TBC1D20: variants seen among roughly 807,000 people sequenced by gnomAD.
The protein encoded by TBC1D20 is TBC1 domain family member 20, also known as chromosome 20 open reading frame 140.
TBC1D20 carries 12 observed loss-of-function variants against 41.6 expected under a neutral mutation model. That is an observed-to-expected ratio of 0.29 (90% confidence interval 0.18 to 0.47). TBC1D20 has a LOEUF of 0.47. TBC1D20 is among the 20% of genes least tolerant of loss of function. The pLI is 1.00. For missense variants in TBC1D20, 421 were observed against 517.4 expected (o/e 0.81, Z 1.81); for synonymous variants, 205 against 204.8 (o/e 1.00, Z -0.01).
chr20:450,007 C>T (rs981702405), intron 1 of TBC1D20, among the ~76,000 whole-genome samples: 12 of 152,146 alleles, frequency 7.9e-5, no homozygotes, highest in Non-Finnish European at 1.2e-4. Flanking sequence ...GCATATACAT[C>T]TCTTACTGTA....
In TBC1D20 at chr20:462,433, G is replaced by T; in HGVS notation, c.-28C>A. On this transcript the variant is annotated 5_prime_UTR_variant, in exon 1 of 8. Coordinates refer to ENST00000354200, the MANE Select transcript of TBC1D20 (RefSeq NM_144628.4). The stretch of plus-strand genomic sequence containing the variant: ...CCCGGGGCCCCGGGCCCCCACCCGA[G>T]CCCCGGCTGGTGGCGGAGCCGGGAG... 8.4e-7 allele frequency: 1 copy of T among 1,190,682 alleles called. No homozygotes were observed. Among genetic ancestry groups the T allele is most frequent in the Non-Finnish European group, 1.1e-6 (1 of 951,132 alleles). The allele number at this position is 1,190,682 out of a possible 1,614,324, so 73.8% of individuals were successfully genotyped here.
rs3746793 is a variant in TBC1D20, at chr20:437,555, T to A, written c.*1031A>T. ...GTGGGAGAGACCAGCAGTTGACGAGTCAAGTCAGACCCAAAAAACGACGCC... is the reference window on the plus strand; with the variant it reads ...GTGGGAGAGACCAGCAGTTGACGAGACAAGTCAGACCCAAAAAACGACGCC... On this transcript the variant is annotated 3_prime_UTR_variant, in exon 8 of 8. Transcript: ENST00000354200. 0.69 allele frequency: 104,192 copies of A among 152,052 alleles called. 35,850 individuals are homozygous for A. Among genetic ancestry groups the A allele is most frequent in the Middle Eastern group, 0.74 (219 of 294 alleles). The allele number at this position is 152,052 out of a possible 1,614,324, so 9.4% of individuals were successfully genotyped here.
At chr20:450,605 T>C (rs1336152304) in intron 1 of TBC1D20, 1 of 152,200 alleles carries the variant, frequency 6.6e-6, no homozygotes. Flanking sequence ...GCATCTTACA[T>C]CCTTATGTGA....
At position 462,523 on chromosome 20, in the gene TBC1D20, C is replaced by T; in HGVS notation, c.-118G>A. 1 of 491,110 alleles carries T rather than the reference C, an allele frequency of 2.0e-6. No homozygotes were observed. The highest frequency in any genetic ancestry group is 2.8e-6 in the Non-Finnish European group (1 of 354,638). The allele number at this position is 491,110 out of a possible 1,614,324, so 30.4% of individuals were successfully genotyped here. A position where few individuals can be genotyped will look rare whatever the true frequency, so the allele number is the denominator to read the frequency against. Reference sequence around the variant, plus strand: ...CATCGGCAGGCTCCCCTCCGTCGGCCAGCGGCGCGCAGGCGCGCAGGCGCC... The same window carrying T: ...CATCGGCAGGCTCCCCTCCGTCGGCTAGCGGCGCGCAGGCGCGCAGGCGCC... On this transcript the variant is annotated 5_prime_UTR_variant, in exon 1 of 8. Transcript: ENST00000354200.
chr20:440,023 G>A (rs2017195658), intron 6 of TBC1D20, among the ~76,000 whole-genome samples: 1 of 152,146 alleles, frequency 6.6e-6, no homozygotes, highest in South Asian at 2.1e-4. Flanking sequence ...GAAGTGTCAT[G>A]CAGCAAAAAA....
chr20:454,525 C>T (rs1034725885), intron 1 of TBC1D20, among the ~76,000 whole-genome samples: 2 of 152,064 alleles, frequency 1.3e-5, no homozygotes, highest in African/African-American at 4.8e-5. Context: ...GAAGGTAGGG[C>T]AGATTTTAGA....
At position 438,655 on chromosome 20, in the gene TBC1D20, C is replaced by T. The variant is rs141648576; in HGVS notation, c.1143G>A (p.Ala381=). The change falls in exon 8 of 8, where the codon GCG becomes GCA. Residue 381 remains alanine (A), a synonymous_variant. Transcript: ENST00000354200. ...CACTTTTCACCACAGCCAGTGCAGC[C>T]GCTCCAAGTGCCACTGTCAGCCCCA... ...AVMGLTVALG[A]AALAVVKSAL... The T allele has an allele frequency of 6.0e-4, 971 of 1,614,186 alleles. No homozygotes were observed. Among genetic ancestry groups the T allele is most frequent in the Non-Finnish European group, 7.2e-4 (853 of 1,180,036 alleles).
chr20:445,001 G>C (rs1284419971), intron 3 of TBC1D20, 49 bp downstream of exon 3: 2 of 1,527,222 alleles, frequency 1.3e-6, no homozygotes, highest in Admixed American at 3.6e-5. Flanking sequence ...GTATGACCTG[G>C]AACAGATACA....
chr20:461,226 T>C (rs930599071), intron 1 of TBC1D20, among the ~76,000 whole-genome samples: 1 of 152,216 alleles, frequency 6.6e-6, no homozygotes, highest in Non-Finnish European at 1.5e-5. Flanking sequence ...TGGTTCACGG[T>C]GTACATTCAT....
chr20:438,423 C>T lies in TBC1D20; in HGVS notation c.*163G>A, dbSNP rs3746794. ...CCTCTGTGTCAGGTAGGCTCTGCTA[C>T]TGGCCTCTGAAGTAAAGGCAAACAC... On this transcript the variant is annotated 3_prime_UTR_variant, in exon 8 of 8. Transcript: ENST00000354200. 0.47 allele frequency: 363,032 copies of T among 767,012 alleles called. 89,215 individuals are homozygous for T. The highest frequency in any genetic ancestry group is 0.61 in the African/African-American group (35,111 of 57,346). The allele number at this position is 767,012 out of a possible 1,614,324, so 47.5% of individuals were successfully genotyped here. A position where few individuals can be genotyped will look rare whatever the true frequency, so the allele number is the denominator to read the frequency against.
chr20:458,330 TAGAGACAGG>T (rs2017576422), intron 1 of TBC1D20, among the ~76,000 whole-genome samples: 1 of 147,370 alleles, frequency 6.8e-6, no homozygotes, highest in African/African-American at 2.6e-5. Flanking sequence ...TTTTTTTTTT[TAGAGACAGG>T]GTCTTACTCT....
chr20:440,965 C>T (rs965453773), intron 5 of TBC1D20: 2 of 153,628 alleles, frequency 1.3e-5, no homozygotes, highest in African/African-American at 4.8e-5. Context: ...TGGCGCATGC[C>T]TGTAATCCCA....
At chr20:448,125 T>C (rs2017372388) in intron 1 of TBC1D20, 51 bp from the exon 2 acceptor site, 1 of 1,369,946 alleles carries the variant, frequency 7.3e-7, no homozygotes, top group East Asian at 2.3e-5. Context: ...ACGTGCATAT[T>C]TTCTGCCTAG....
Position 438,525 on chromosome 20 carries a change from C to T in TBC1D20, c.*61G>A. On this transcript the variant is annotated 3_prime_UTR_variant, in exon 8 of 8. Transcript: ENST00000354200. ...TTAATAAAGGAAATTCCACCCCTCC[C>T]AATCCTTCCATGGAAGGGTGAGACC... The T allele has an allele frequency of 6.4e-7, 1 of 1,563,796 alleles. No individual in the cohort carries two copies.
Position 458,751 on chromosome 20 carries a change from G to A in TBC1D20, c.70+3585C>T, listed in dbSNP as rs371431405. Among the ~76,000 whole-genome samples, 31 of 152,206 alleles carry A rather than the reference G, an allele frequency of 2.0e-4. 1 individual carries two copies. The highest frequency in any genetic ancestry group is 1.3e-3 in the Admixed American group (20 of 15,272). ...GTTATTGTTCCTCTGGAAAAAACTG[G>A]CTTGCAGTAAATGACATTATTTTTC... is the stretch of plus-strand genomic sequence containing the variant. On this transcript the variant is annotated intron_variant, in intron 1 of 7. Coordinates refer to ENST00000354200, the MANE Select transcript of TBC1D20 (RefSeq NM_144628.4).
chr20:453,538 GCA>G, intron 1 of TBC1D20, among the ~76,000 whole-genome samples: 4 of 102,266 alleles, frequency 3.9e-5, no homozygotes, highest in Admixed American at 1.0e-4. Context: ...CTGTAATCCA[GCA>G]TTTTTTTTTT....
intron 2 of TBC1D20, 61 bp downstream of exon 2, chr20:447,828 G>C: frequency 4.2e-6 from 6 of 1,419,040 alleles, no homozygotes; most frequent in Non-Finnish European, 5.7e-6. Flanking sequence ...AAAGATCCTG[G>C]AATTCTTTTC....
chr20:449,615 A>T (rs1429641448), intron 1 of TBC1D20, among the ~76,000 whole-genome samples: 1 of 152,120 alleles, frequency 6.6e-6, no homozygotes, highest in Non-Finnish European at 1.5e-5. Context: ...GATAAGTGAA[A>T]AAAGAAATGT....
In TBC1D20 at chr20:445,085, A is replaced by G. The variant is rs1353618240; in HGVS notation, c.302T>C (p.Leu101Pro). The change falls in exon 3 of 8, where the codon CTG becomes CCG. Residue 101 changes from leucine (L) to proline (P), a missense_variant. Physicochemically the swap from Leu to Pro is moderately conservative, Grantham distance 98. Transcript: ENST00000354200. ...QMSKDYQQVL[L>P]DVRRSLRRFP... The stretch of plus-strand genomic sequence containing the variant: ...CCGCCGCAATGACCGCCGGACGTCC[A>G]GCAACACTTGTTGGTAGTCCTTGCT... 2.9e-5 allele frequency: 47 copies of G among 1,606,446 alleles called. No individual in the cohort carries two copies. The highest frequency in any genetic ancestry group is 3.7e-5 in the Non-Finnish European group (44 of 1,175,506).
Sources: allele counts gnomAD v4.1 joint callset (sites outside exome capture counted in the v4.1 genomes callset), GRCh38; gene constraint gnomAD v4.1.1; transcripts MANE v1.5; gene names NCBI Gene and HGNC (gene_info 2026-07-23, HGNC 2026-07-21).